Variants in TYK2 observed in about 807,000 individuals in gnomAD.
TYK2 encodes the protein tyrosine kinase 2, also known as non-receptor tyrosine-protein kinase TYK2.
A neutral mutation model predicts 130.9 loss-of-function variants in TYK2; 65 were observed. That is an observed-to-expected ratio of 0.50 (90% confidence interval 0.41 to 0.61). The LOEUF (loss-of-function observed/expected upper bound fraction) is 0.61, where lower values mean the gene tolerates loss of function less well. TYK2 is among the 20% of genes least tolerant of loss of function. The pLI, the probability that TYK2 is intolerant of heterozygous loss-of-function variation, is 0.00. For synonymous variants in TYK2, 647 were observed against 658.9 expected (o/e 0.98, Z 0.28); for missense variants, 1,378 against 1,610.7 (o/e 0.86, Z 2.47).
intron 17 of TYK2, chr19:10,357,385 G>C (rs1464468034): frequency 1.6e-6 from 1 of 633,578 alleles, no homozygotes; most frequent in African/African-American, 1.8e-5. Context: ...GTGGAACTTC[G>C]TCTCAAAATA....
chr19:10,378,544 G>T, intron 2 of TYK2, 118 bp from the exon 3 acceptor site: 1 of 813,696 alleles, frequency 1.2e-6, no homozygotes, highest in Non-Finnish European at 2.0e-6. Context: ...TCCCATCTTG[G>T]CATGACATTA....
rs751706931 is a variant in TYK2, at chr19:10,352,918, C to T, written c.3200+8G>A. 6.9e-6 allele frequency: 11 copies of T among 1,604,892 alleles called. No individual in the cohort carries two copies. The South Asian group carries it at 1.1e-4, about 16-fold the overall frequency. On this transcript the variant is annotated splice_region_variant and intron_variant, in intron 22 of 24. Coordinates refer to ENST00000525621, the MANE Select transcript of TYK2 (RefSeq NM_003331.5). ...AGCACCCCCTCAGACTGCACCCCGCCTGGTCACCAGAACACGGGGCTGTCC... is the reference window on the plus strand; with the variant it reads ...AGCACCCCCTCAGACTGCACCCCGCTTGGTCACCAGAACACGGGGCTGTCC...
rs373868898 is a variant in TYK2 at position 10,366,569 on chromosome 19, C to T, written c.477G>A (p.Glu159=). The change falls in exon 6 of 25, where the codon GAG becomes GAA. Residue 159 remains glutamate (E), a synonymous_variant. Transcript: ENST00000525621. ...ACAGTGATGCCACGTCATTCACAAA[C>T]TCATGCTTGCCCTGGGAACAGGAAA... ...FEYLFEQGKH[E]FVNDVASLWE... is the part of the protein sequence containing the mutation. 3 of 1,614,008 alleles carry T rather than the reference C, an allele frequency of 1.9e-6. No individual in the cohort carries two copies. The highest frequency in any genetic ancestry group is 8.5e-7 in the Non-Finnish European group (1 of 1,179,998).
Position 10,362,357 on chromosome 19 carries a change from C to T in TYK2, c.1576G>A (p.Val526Ile), listed in dbSNP as rs758682935. ...LEGWGRSFPSVRELGAALQGC... is the reference protein window; with the variant it reads ...LEGWGRSFPSIRELGAALQGC... Reference sequence around the variant, plus strand: ...TGCAAGGCAGCCCCAAGTTCCCGAACGCTGGGGAAGGACCGGCCCCAGCCC... The same window carrying T: ...TGCAAGGCAGCCCCAAGTTCCCGAATGCTGGGGAAGGACCGGCCCCAGCCC... The change falls in exon 11 of 25, where the codon GTT becomes ATT. Residue 526 changes from valine (V) to isoleucine (I), a missense_variant. By Grantham distance (29) the Val-to-Ile change is conservative (BLOSUM62 3). Transcript: ENST00000525621. 9.7e-5 allele frequency: 156 copies of T among 1,614,142 alleles called. 3 individuals carry two copies. The South Asian group carries it at 1.3e-3, about 14-fold the overall frequency.
chr19:10,378,093 G>A (rs2042236662), intron 3 of TYK2, 121 bp downstream of exon 3: 1 of 992,754 alleles, frequency 1.0e-6, no homozygotes, highest in Admixed American at 2.1e-5. Context: ...TGGATGGATG[G>A]ATGGATGAGT....
At chr19:10,366,752 A>G (rs1036425809) in intron 5 of TYK2, among the ~76,000 whole-genome samples, 172 bp from the exon 6 acceptor site, 4 of 149,188 alleles carry the variant, frequency 2.7e-5, no homozygotes, top group South Asian at 4.3e-4. Context: ...AAAAAAAAAA[A>G]GAATATCGCA....
chr19:10,357,710 A>G (rs1223054759), intron 17 of TYK2, 54 bp downstream of exon 17: 2 of 1,556,622 alleles, frequency 1.3e-6, no homozygotes, highest in African/African-American at 2.7e-5. Context: ...TGTCCTCTGG[A>G]TTTCTTGGAG....
At chr19:10,380,035 T>C (rs552859460) in intron 1 of TYK2, among the ~76,000 whole-genome samples, 33 of 152,320 alleles carry the variant, frequency 2.2e-4, no homozygotes, top group African/African-American at 7.9e-4. Flanking sequence ...TCCACCCATG[T>C]TGCTGGTTTC....
rs529866271 is a variant in TYK2 at position 10,360,019 on chromosome 19, GAA to G, written c.2048-719_2048-718del. Among the ~76,000 whole-genome samples the G allele has an allele frequency of 3.6e-3, 476 of 133,868 alleles. 2 individuals are homozygous for G. The highest frequency in any genetic ancestry group is 0.011 in the African/African-American group (417 of 36,544). The allele number at this position is 133,868 out of a possible 152,430, so 87.8% of individuals were successfully genotyped here. ...GAGCAAGACTCCATCTCAAAAAGAA[GAA>G]AAAAAAAAAAATTAGCTGGGCATGG... On this transcript the variant is annotated intron_variant, in intron 14 of 24. Transcript: ENST00000525621.
At chr19:10,366,204 G>A (rs2041655669) in intron 6 of TYK2, among the ~76,000 whole-genome samples, 1 of 152,074 alleles carries the variant, frequency 6.6e-6, no homozygotes, top group South Asian at 2.1e-4. Flanking sequence ...CTACTCAGGA[G>A]GCTGAGGAAG....
chr19:10,367,941 A>T lies in TYK2; in HGVS notation c.465+114T>A, dbSNP rs1403532564. Reference sequence around the variant, plus strand: ...TCTCAAAAAAAAAAAAAAGATCCCCAGATAGCATGAGTTGAAACCTATTAG... The same window carrying T: ...TCTCAAAAAAAAAAAAAAGATCCCCTGATAGCATGAGTTGAAACCTATTAG... On this transcript the variant is annotated intron_variant, in intron 5 of 24. Coordinates refer to ENST00000525621, the MANE Select transcript of TYK2 (RefSeq NM_003331.5). 3.3e-6 allele frequency: 4 copies of T among 1,220,318 alleles called. No individual in the cohort carries two copies. In the Admixed American group the frequency reaches 8.8e-5, roughly 27 times the overall value. 75.6% of individuals were successfully genotyped at this position (1,220,318 alleles called of 1,614,324 possible).
intron 5 of TYK2, among the ~76,000 whole-genome samples, 153 bp from the exon 6 acceptor site, chr19:10,366,733 TAAAAAAAAAA>T (rs750662938): frequency 8.8e-5 from 9 of 101,918 alleles, no homozygotes; most frequent in African/African-American, 1.5e-4. Context: ...GCTGATGAGC[TAAAAAAAAAA>T]AAAAAAAAAG....
rs182376622 is a variant in TYK2 at position 10,369,216 on chromosome 19, G to A, written c.194-798C>T. Among the ~76,000 whole-genome samples, 867 of 152,138 alleles carry A rather than the reference G, an allele frequency of 5.7e-3. 10 individuals are homozygous for A. The highest frequency in any genetic ancestry group is 3.9e-3 in the Non-Finnish European group (263 of 68,010). On this transcript the variant is annotated intron_variant, in intron 3 of 24. Transcript: ENST00000525621. ...CTACAAACTGCTGCAATTGTCTGGCGTCTCCCTGAACTCCAGCCCCAAAGA... is the reference window on the plus strand; with the variant it reads ...CTACAAACTGCTGCAATTGTCTGGCATCTCCCTGAACTCCAGCCCCAAAGA...
At position 10,361,690 on chromosome 19, in the gene TYK2, A is replaced by G; in HGVS notation, c.1959+80T>C. 3 of 1,448,558 alleles carry G rather than the reference A, an allele frequency of 2.1e-6. No individual in the cohort carries two copies. In the Admixed American group the frequency reaches 5.4e-5, roughly 26 times the overall value. 89.7% of individuals were successfully genotyped at this position (1,448,558 alleles called of 1,614,324 possible). Reference sequence around the variant, plus strand: ...ACACCCCTCCCATCCCACCTCCTCCACAGACACACCCCTCCCATCCCACCT... The same window carrying G: ...ACACCCCTCCCATCCCACCTCCTCCGCAGACACACCCCTCCCATCCCACCT... On this transcript the variant is annotated intron_variant, in intron 13 of 24. Transcript: ENST00000525621. This position sits in a 1 kb window ranked among gnomAD's most constrained non-coding sequence, Gnocchi z 4.0.
At chr19:10,358,353 T>C (rs1176079200) in intron 15 of TYK2, among the ~76,000 whole-genome samples, 6 of 147,152 alleles carry the variant, frequency 4.1e-5, no homozygotes, top group Non-Finnish European at 5.9e-5. Context: ...CAGGTTGGAG[T>C]ATAGTGGCAC....
At chr19:10,378,539 T>A in intron 2 of TYK2, 113 bp from the exon 3 acceptor site, 2 of 844,400 alleles carry the variant, frequency 2.4e-6, no homozygotes, top group South Asian at 3.1e-5. Context: ...TGGGCTCCCA[T>A]CTTGGCATGA....
rs1431598671 is a variant in TYK2, at chr19:10,361,962, G to A, written c.1774-7C>T. The A allele has an allele frequency of 3.1e-6, 5 of 1,613,992 alleles. No homozygotes were observed. Among genetic ancestry groups the A allele is most frequent in the Non-Finnish European group, 4.2e-6 (5 of 1,179,984 alleles). ...CCTGGCCCAAGTGGGACAGCTGCGG[G>A]ATCATGTGGCACAGAATACCGCCAT... On this transcript the variant is annotated splice_polypyrimidine_tract_variant and splice_region_variant and intron_variant, in intron 12 of 24. Transcript: ENST00000525621. The surrounding 1 kb of genome is among the most constrained non-coding windows in gnomAD (Gnocchi z 4.0).
chr19:10,358,264 T>C, intron 15 of TYK2, 126 bp from the exon 16 acceptor site: 1 of 980,116 alleles, frequency 1.0e-6, no homozygotes, highest in Non-Finnish European at 1.5e-6. Flanking sequence ...TTTCTTTCTG[T>C]TTTGTTTTTT....
chr19:10,365,231 G>A (rs1246625878), intron 7 of TYK2, among the ~76,000 whole-genome samples, 183 bp from the exon 8 acceptor site: 2 of 152,154 alleles, frequency 1.3e-5, no homozygotes, highest in East Asian at 1.9e-4. Flanking sequence ...GCTGGAAGCC[G>A]GACCCTTAGG....
Sources: allele counts gnomAD v4.1 joint callset (sites outside exome capture counted in the v4.1 genomes callset), GRCh38; gene constraint gnomAD v4.1.1; non-coding constraint Gnocchi (gnomAD v3.1); transcripts MANE v1.5; gene names NCBI Gene and HGNC (gene_info 2026-07-23, HGNC 2026-07-21).